Variants in CRHR1 observed in about 807,000 individuals in gnomAD.
CRHR1 encodes corticotropin releasing hormone receptor 1.
Under a neutral mutation model 56.0 loss-of-function variants are expected in CRHR1, and 28 were observed. The observed-to-expected ratio is 0.50, with a 90% confidence interval of 0.37 to 0.69. The LOEUF (loss-of-function observed/expected upper bound fraction) is 0.69. Among genes scored for constraint, CRHR1 ranks in the 30% least tolerant of loss-of-function variants. The pLI, the probability that CRHR1 is intolerant of heterozygous loss-of-function variation, is 0.00. For missense variants in CRHR1, 376 were observed against 548.0 expected, an observed-to-expected ratio of 0.69 and a Z score of 3.13; for synonymous variants, 195 against 216.5, an observed-to-expected ratio of 0.90 and a Z score of 0.87.
intron 8 of CRHR1, among the ~76,000 whole-genome samples, 200 bp from the exon 9 acceptor site, chr17:45,832,938 G>C (rs1183226466): frequency 6.6e-6 from 1 of 152,254 alleles, no homozygotes; most frequent in Non-Finnish European, 1.5e-5. Flanking sequence ...TCATCACAGA[G>C]GATGCTGTCC....
At chr17:45,829,500 C>A in intron 5 of CRHR1, 179 bp downstream of exon 5, 1 of 1,484,340 alleles carries the variant, frequency 6.7e-7, no homozygotes, top group Non-Finnish European at 9.2e-7. Context: ...TCTGCCCTCT[C>A]CCCAGTAGCT....
chr17:45,786,636 CTT>C (rs34895436), intron 1 of CRHR1, among the ~76,000 whole-genome samples: 128 of 108,380 alleles, frequency 1.2e-3, no homozygotes, highest in Middle Eastern at 0.011. Context: ...AGAAAATATC[CTT>C]TTTTTTTTTT....
intron 3 of CRHR1, 146 bp from the exon 4 acceptor site, chr17:45,821,209 C>G: frequency 2.8e-6 from 2 of 724,280 alleles, no homozygotes; most frequent in Non-Finnish European, 4.8e-6. Context: ...AAGGAAGCCC[C>G]TCTCCCCAGC....
At chr17:45,789,590 G>A (rs899865354) in intron 1 of CRHR1, among the ~76,000 whole-genome samples, 3 of 152,088 alleles carry the variant, frequency 2.0e-5, no homozygotes, top group Admixed American at 6.5e-5. Context: ...GGCTGGTCTC[G>A]AATTCTCAAA....
At chr17:45,806,221 T>C (rs992004228) in intron 1 of CRHR1, among the ~76,000 whole-genome samples, 5 of 152,298 alleles carry the variant, frequency 3.3e-5, no homozygotes, top group Non-Finnish European at 4.4e-5. Context: ...CCTCCAGGTA[T>C]AGGGCCTATG....
chr17:45,785,504 C>T (rs1238111105), intron 1 of CRHR1, among the ~76,000 whole-genome samples: 2 of 152,200 alleles, frequency 1.3e-5, no homozygotes, highest in Non-Finnish European at 2.9e-5. Context: ...GCCGGGACAC[C>T]CCGCTTCGCG....
rs1173088698 is a variant in CRHR1, at chr17:45,834,637, TC to T, written c.1123del (p.Arg375GlyfsTer58). 1 of 1,612,292 alleles carries T rather than the reference TC, an allele frequency of 6.2e-7. No individual in the cohort carries two copies. Among genetic ancestry groups the T allele is most frequent in the East Asian group, 2.2e-5 (1 of 44,818 alleles). On this transcript the variant is annotated frameshift_variant, in exon 13 of 13. Coordinates refer to ENST00000314537, the MANE Select transcript of CRHR1 (RefSeq NM_004382.5). LOFTEE classifies it high-confidence loss of function. ...CTGTGCCCACAGGTCCGTTCTGCCA[TC>T]CGGAAGAGGTGGCACCGGTGGCAGG... ...CFLNSEVRSA[I>X]RKRWHRWQDK...
At chr17:45,824,033 CAG>C (rs759132640) in intron 4 of CRHR1, among the ~76,000 whole-genome samples, 4 of 152,206 alleles carry the variant, frequency 2.6e-5, no homozygotes, top group Non-Finnish European at 5.9e-5. Flanking sequence ...AGCCCCCACA[CAG>C]AGAGCCCACC....
At chr17:45,806,715 G>A (rs1409516097) in intron 1 of CRHR1, among the ~76,000 whole-genome samples, 3 of 152,182 alleles carry the variant, frequency 2.0e-5, no homozygotes, top group Non-Finnish European at 4.4e-5. Context: ...GCCGCACTCA[G>A]CCCCTAGGGG....
chr17:45,786,680 C>T (rs1367721412), intron 1 of CRHR1, among the ~76,000 whole-genome samples: 1 of 147,258 alleles, frequency 6.8e-6, no homozygotes, highest in Non-Finnish European at 1.5e-5. Context: ...CACTCTGTCG[C>T]CCAGGTTGGA....
chr17:45,822,060 C>T (rs888910324), intron 4 of CRHR1, among the ~76,000 whole-genome samples: 3 of 152,140 alleles, frequency 2.0e-5, no homozygotes, highest in Non-Finnish European at 2.9e-5. Flanking sequence ...AGACATTCTC[C>T]GCATACACGA....
At chr17:45,831,468 T>A (rs920172990) in intron 8 of CRHR1, among the ~76,000 whole-genome samples, 1 of 152,228 alleles carries the variant, frequency 6.6e-6, no homozygotes, top group African/African-American at 2.4e-5. Flanking sequence ...GCTCTGAAGT[T>A]CTTTGGTTCC....
intron 4 of CRHR1, among the ~76,000 whole-genome samples, chr17:45,823,342 G>T (rs1326431060): frequency 6.6e-6 from 1 of 151,706 alleles, no homozygotes; most frequent in Non-Finnish European, 1.5e-5. Context: ...TACAGATGGG[G>T]AGACTGGGGC....
chr17:45,798,819 C>CT (rs917999700), intron 1 of CRHR1, among the ~76,000 whole-genome samples: 29 of 152,228 alleles, frequency 1.9e-4, no homozygotes, highest in African/African-American at 7.0e-4. Context: ...GGCTTCCCCC[C>CT]TCCCTTAACT....
chr17:45,830,672 G>T, intron 7 of CRHR1, 102 bp downstream of exon 7: 1 of 1,455,712 alleles, frequency 6.9e-7, no homozygotes, highest in Non-Finnish European at 9.2e-7. Flanking sequence ...AGGGATGGAG[G>T]TCGGGTTGGG....
chr17:45,797,700 C>T (rs1024524289), intron 1 of CRHR1, among the ~76,000 whole-genome samples: 1 of 152,142 alleles, frequency 6.6e-6, no homozygotes, highest in Non-Finnish European at 1.5e-5. Flanking sequence ...TTCGGTGATT[C>T]TCCCAAGGTC....
At chr17:45,785,784 T>C (rs1488048871) in intron 1 of CRHR1, among the ~76,000 whole-genome samples, 1 of 152,164 alleles carries the variant, frequency 6.6e-6, no homozygotes, top group Admixed American at 6.5e-5. Flanking sequence ...AGTTGAGACG[T>C]TACAAGTTAC....
chr17:45,833,336 A>T lies in CRHR1; in HGVS notation c.844-116A>T, dbSNP rs2062360157. On this transcript the variant is annotated intron_variant, in intron 9 of 12. Coordinates refer to ENST00000314537, the MANE Select transcript of CRHR1 (RefSeq NM_004382.5). Reference sequence around the variant, plus strand: ...CCCAAAGAGGGGGCATGGGTCAGAGATGTGCAGGTGCTCATGAGGAGGAGG... The same window carrying T: ...CCCAAAGAGGGGGCATGGGTCAGAGTTGTGCAGGTGCTCATGAGGAGGAGG... 8 of 1,436,572 alleles carry T rather than the reference A, an allele frequency of 5.6e-6. No individual in the cohort carries two copies. In the South Asian group the frequency reaches 6.9e-5, roughly 12 times the overall value. 89.0% of individuals were successfully genotyped at this position (1,436,572 alleles called of 1,614,324 possible).
chr17:45,820,431 C>T (rs1456201187), intron 3 of CRHR1, among the ~76,000 whole-genome samples: 1 of 152,090 alleles, frequency 6.6e-6, no homozygotes, highest in African/African-American at 2.4e-5. Flanking sequence ...AAGGGGAACA[C>T]GTTGGGCAGC....
Sources: gnomAD v4.1 joint callset for allele counts (sites outside exome capture counted in the v4.1 genomes callset) on GRCh38, gnomAD v4.1.1 for gene constraint, MANE v1.5 for transcripts, NCBI Gene and HGNC (gene_info 2026-07-23, HGNC 2026-07-21) for gene names.